SGCZ: variants seen among roughly 807,000 people sequenced by gnomAD.
SGCZ encodes the protein sarcoglycan zeta.
A neutral mutation model predicts 41.3 loss-of-function variants in SGCZ; 40 were observed. That is an observed-to-expected ratio of 0.97 (90% CI 0.75 to 1.26). The LOEUF (loss-of-function observed/expected upper bound fraction) is 1.26, where lower values mean the gene tolerates loss of function less well. Among genes scored for constraint, SGCZ ranks in the 50% most tolerant of loss-of-function variants. The pLI, the probability that SGCZ is intolerant of heterozygous loss-of-function variation, is 0.00. For missense variants in SGCZ, 552 were observed against 369.8 expected (o/e 1.49, Z -4.04); for synonymous variants, 206 against 137.5 (o/e 1.50, Z -3.49).
At chr8:15,227,011 T>C (rs970656832) in intron 1 of SGCZ, among the ~76,000 whole-genome samples, 3 of 152,108 alleles carry the variant, frequency 2.0e-5, no homozygotes, top group Non-Finnish European at 2.9e-5. Context: ...GAATGAAAGG[T>C]GTGCTCCATT....
intron 1 of SGCZ, among the ~76,000 whole-genome samples, chr8:15,145,299 T>C (rs563920334): frequency 1.3e-5 from 2 of 152,300 alleles, no homozygotes; most frequent in African/African-American, 4.8e-5. Flanking sequence ...AACTAAAATA[T>C]TATTTGGTAA....
chr8:14,164,755 A>G, intron 4 of SGCZ, 53 bp from the exon 5 acceptor site: 1 of 1,590,924 alleles, frequency 6.3e-7, no homozygotes. Context: ...GAAACCATTA[A>G]CATGTATTTT....
chr8:15,216,746 T>C (rs147304900), intron 1 of SGCZ, among the ~76,000 whole-genome samples: 21 of 152,154 alleles, frequency 1.4e-4, no homozygotes, highest in Admixed American at 1.3e-3. Flanking sequence ...AATTTGGTCA[T>C]AGTAGCTGCA....
chr8:14,369,400 C>CT (rs1280780051), intron 2 of SGCZ, among the ~76,000 whole-genome samples: 3 of 151,670 alleles, frequency 2.0e-5, no homozygotes, highest in Admixed American at 6.6e-5. Context: ...ATAATAAAGG[C>CT]TTTTTTTGGT....
At chr8:14,203,856 G>T (rs1247990819) in intron 4 of SGCZ, among the ~76,000 whole-genome samples, 2 of 152,100 alleles carry the variant, frequency 1.3e-5, no homozygotes, top group Non-Finnish European at 2.9e-5. Flanking sequence ...GAAAGTGTAA[G>T]AGACCTGTAA....
intron 6 of SGCZ, among the ~76,000 whole-genome samples, chr8:14,106,015 G>A (rs934236680): frequency 2.6e-5 from 4 of 152,052 alleles, no homozygotes; most frequent in African/African-American, 9.7e-5. Flanking sequence ...AAACACAGAT[G>A]AAAAAAATTG....
chr8:14,248,353 T>TAAC (rs1799177076), intron 3 of SGCZ, among the ~76,000 whole-genome samples: 1 of 152,192 alleles, frequency 6.6e-6, no homozygotes, highest in Non-Finnish European at 1.5e-5. Flanking sequence ...ATGATGATGG[T>TAAC]GATGACGATG....
At chr8:14,900,608 T>C (rs558059482) in intron 1 of SGCZ, among the ~76,000 whole-genome samples, 4 of 152,286 alleles carry the variant, frequency 2.6e-5, no homozygotes, top group Non-Finnish European at 5.9e-5. Context: ...GAATCATCAA[T>C]ACCGAAAACC....
intron 3 of SGCZ, among the ~76,000 whole-genome samples, chr8:14,263,703 C>G (rs1406483166): frequency 1.3e-5 from 2 of 152,034 alleles, no homozygotes; most frequent in East Asian, 3.9e-4. Flanking sequence ...GCCAAGGTAC[C>G]CTCACAAGAG....
chr8:14,746,617 A>G (rs893427643), intron 1 of SGCZ, among the ~76,000 whole-genome samples: 1 of 152,192 alleles, frequency 6.6e-6, no homozygotes, highest in African/African-American at 2.4e-5. Flanking sequence ...AAGGACAGAT[A>G]TTCAATTTAT....
At chr8:14,419,467 T>G (rs567120748) in intron 2 of SGCZ, among the ~76,000 whole-genome samples, 2 of 151,982 alleles carry the variant, frequency 1.3e-5, no homozygotes, top group African/African-American at 4.8e-5. Context: ...CTATCCTCTA[T>G]GAGATTTTTT....
At chr8:14,109,871 C>T (rs1488431268) in intron 5 of SGCZ, among the ~76,000 whole-genome samples, 1 of 151,938 alleles carries the variant, frequency 6.6e-6, no homozygotes, top group Non-Finnish European at 1.5e-5. Context: ...GCAGTAAATC[C>T]CTAAGATTAC....
chr8:14,281,877 T>A (rs986260694), intron 3 of SGCZ, among the ~76,000 whole-genome samples: 1 of 148,252 alleles, frequency 6.7e-6, no homozygotes, highest in Non-Finnish European at 1.5e-5. Flanking sequence ...TCTTTTTTTT[T>A]ATTATCTAAA....
chr8:14,689,027 A>G lies in SGCZ; in HGVS notation c.40-134101T>C, dbSNP rs542301437. Reference sequence around the variant, plus strand: ...TATATTTAAAAAAAATTTTAAAGCAAGCACAGTCAGTGAATTTTCTTATTT... The same window carrying G: ...TATATTTAAAAAAAATTTTAAAGCAGGCACAGTCAGTGAATTTTCTTATTT... On this transcript the variant is annotated intron_variant, in intron 1 of 7. Coordinates refer to ENST00000382080, the MANE Select transcript of SGCZ (RefSeq NM_139167.4). Among the ~76,000 whole-genome samples, 13 of 152,322 alleles carry G rather than the reference A, an allele frequency of 8.5e-5. No homozygotes were observed. In the East Asian group the frequency reaches 2.3e-3, roughly 27 times the overall value.
intron 4 of SGCZ, among the ~76,000 whole-genome samples, chr8:14,219,186 G>A (rs1204644377): frequency 6.6e-6 from 1 of 152,190 alleles, no homozygotes; most frequent in Non-Finnish European, 1.5e-5. Context: ...GACCAGCTCA[G>A]TGGATGGACC....
intron 1 of SGCZ, among the ~76,000 whole-genome samples, chr8:14,588,350 T>C (rs1258119657): frequency 1.3e-5 from 2 of 152,122 alleles, no homozygotes; most frequent in Non-Finnish European, 2.9e-5. Flanking sequence ...TAAGTAAGTT[T>C]CTTGAATTAA....
chr8:14,721,393 C>T (rs1426371940), intron 1 of SGCZ, among the ~76,000 whole-genome samples: 5 of 152,142 alleles, frequency 3.3e-5, no homozygotes, highest in South Asian at 2.1e-4. Flanking sequence ...ATACCTGATT[C>T]GTGCTTTTAT....
intron 1 of SGCZ, among the ~76,000 whole-genome samples, chr8:14,593,739 C>T (rs911599625): frequency 1.3e-5 from 2 of 152,068 alleles, no homozygotes; most frequent in African/African-American, 4.8e-5. Context: ...CATATTGAAA[C>T]ATTTTACATT....
At chr8:14,926,862 A>G (rs1799770043) in intron 1 of SGCZ, among the ~76,000 whole-genome samples, 1 of 151,914 alleles carries the variant, frequency 6.6e-6, no homozygotes, top group Non-Finnish European at 1.5e-5. Context: ...GAAGGTCGTG[A>G]TCTCCTGACC....
Sources: allele counts gnomAD v4.1 joint callset (sites outside exome capture counted in the v4.1 genomes callset), GRCh38; gene constraint gnomAD v4.1.1; transcripts MANE v1.5; gene names NCBI Gene and HGNC (gene_info 2026-07-23, HGNC 2026-07-21).